Variants in ADARB2 observed in about 807,000 individuals in gnomAD.
The protein encoded by ADARB2 is adenosine deaminase RNA specific B2 (inactive).
ADARB2 carries 25 observed loss-of-function variants against 62.2 expected under a neutral mutation model. The observed-to-expected ratio is 0.40, with a 90% CI of 0.29 to 0.56. ADARB2 has a LOEUF of 0.56. Among genes scored for constraint, ADARB2 ranks in the 20% least tolerant of loss-of-function variants. The pLI, the probability that ADARB2 is intolerant of heterozygous loss-of-function variation, is 0.43. For missense variants in ADARB2, 1,071 were observed against 1,077.4 expected, an observed-to-expected ratio of 0.99 and a Z score of 0.08; for synonymous variants, 572 against 500.8, an observed-to-expected ratio of 1.14 and a Z score of -1.90.
chr10:1,665,880 G>A (rs1330015698), intron 1 of ADARB2, among the ~76,000 whole-genome samples: 1 of 152,208 alleles, frequency 6.6e-6, no homozygotes, highest in Non-Finnish European at 1.5e-5. Flanking sequence ...GAGGCCTCCA[G>A]GCCCACAGTA....
chr10:1,702,749 C>T (rs772351467), intron 1 of ADARB2, among the ~76,000 whole-genome samples: 25 of 152,312 alleles, frequency 1.6e-4, no homozygotes, highest in South Asian at 1.0e-3. Context: ...GCAGTGCTCT[C>T]GCTGATTTTC....
At chr10:1,217,243 C>T (rs772791365) in intron 6 of ADARB2, 124 bp from the exon 7 acceptor site, 17 of 988,102 alleles carry the variant, frequency 1.7e-5, no homozygotes, top group East Asian at 2.9e-5. Flanking sequence ...GCGTTTGGCA[C>T]GAGGAAGGGG....
intron 3 of ADARB2, among the ~76,000 whole-genome samples, chr10:1,280,944 G>A (rs760386248): frequency 6.6e-6 from 1 of 152,220 alleles, no homozygotes; most frequent in Non-Finnish European, 1.5e-5. Flanking sequence ...GAGCACGCAC[G>A]GCTTATTTAT....
At chr10:1,430,832 T>C (rs1026001439) in intron 1 of ADARB2, among the ~76,000 whole-genome samples, 2 of 152,204 alleles carry the variant, frequency 1.3e-5, no homozygotes, top group Non-Finnish European at 2.9e-5. Context: ...AATTATATAA[T>C]GATAAAAGGA....
chr10:1,601,507 C>T (rs1366655967), intron 1 of ADARB2, among the ~76,000 whole-genome samples: 10 of 152,172 alleles, frequency 6.6e-5, no homozygotes, highest in Non-Finnish European at 1.5e-4. Context: ...AAATAAACAC[C>T]GATCTTAGCT....
At chr10:1,580,049 G>C (rs910854144) in intron 1 of ADARB2, among the ~76,000 whole-genome samples, 1 of 152,228 alleles carries the variant, frequency 6.6e-6, no homozygotes, top group African/African-American at 2.4e-5. Flanking sequence ...AGACGAGCGA[G>C]TCACCAGTTG....
rs371399725 is a variant in ADARB2, at chr10:1,363,829, G to A, written c.276C>T (p.Gly92=). 10 of 1,565,894 alleles carry A rather than the reference G, an allele frequency of 6.4e-6. No individual in the cohort carries two copies. In the African/African-American group the frequency reaches 6.8e-5, roughly 11 times the overall value. The change falls in exon 3 of 10, where the codon GGC becomes GGT. Residue 92 remains glycine, a synonymous_variant. Transcript: ENST00000381312. ...PPPSGDRARG[G]APGAKRKRPL... is the part of the protein sequence containing the mutation. ...GCCGCTTCCTCTTCGCGCCGGGCGC[G>A]CCGCCCCGGGCCCGGTCCCCGGAGG... is the stretch of plus-strand genomic sequence containing the variant.
At chr10:1,453,123 A>T (rs905537133) in intron 1 of ADARB2, among the ~76,000 whole-genome samples, 3 of 152,106 alleles carry the variant, frequency 2.0e-5, no homozygotes, top group Non-Finnish European at 4.4e-5. Flanking sequence ...TCCCTCCCCC[A>T]CGTCTGCAAA....
At chr10:1,394,368 C>T (rs1218509711) in intron 1 of ADARB2, among the ~76,000 whole-genome samples, 1 of 152,238 alleles carries the variant, frequency 6.6e-6, no homozygotes, top group Admixed American at 6.5e-5. Context: ...CCTCTGCCTA[C>T]CTGTTGCCCT....
At chr10:1,579,763 T>C (rs1180735383) in intron 1 of ADARB2, among the ~76,000 whole-genome samples, 1 of 152,216 alleles carries the variant, frequency 6.6e-6, no homozygotes, top group Non-Finnish European at 1.5e-5. Flanking sequence ...CTGACACCTC[T>C]GAGGTTACCG....
At chr10:1,375,052 A>T (rs1365674399) in intron 2 of ADARB2, among the ~76,000 whole-genome samples, 1 of 152,150 alleles carries the variant, frequency 6.6e-6, no homozygotes, top group Non-Finnish European at 1.5e-5. Context: ...CCTCCTTCAA[A>T]GACTCGTCAC....
At chr10:1,364,899 A>C (rs1324009528) in intron 2 of ADARB2, among the ~76,000 whole-genome samples, 2 of 143,940 alleles carry the variant, frequency 1.4e-5, no homozygotes, top group Non-Finnish European at 3.0e-5. Context: ...TTGCGACGGA[A>C]TCTCACTCTG....
At chr10:1,430,186 G>T (rs911129742) in intron 1 of ADARB2, among the ~76,000 whole-genome samples, 1 of 152,212 alleles carries the variant, frequency 6.6e-6, no homozygotes, top group African/African-American at 2.4e-5. Context: ...AGACCATGGT[G>T]CAGTGTAGTT....
chr10:1,263,220 A>AT (rs1831160763), intron 4 of ADARB2, among the ~76,000 whole-genome samples: 1 of 152,112 alleles, frequency 6.6e-6, no homozygotes, highest in Non-Finnish European at 1.5e-5. Flanking sequence ...AACATGGCAC[A>AT]TGTATACATA....
At chr10:1,705,935 C>A (rs11250751) in intron 1 of ADARB2, among the ~76,000 whole-genome samples, 3 of 152,120 alleles carry the variant, frequency 2.0e-5, no homozygotes, top group Non-Finnish European at 4.4e-5. Flanking sequence ...AAACACTTCA[C>A]GGTGAATTAC....
intron 1 of ADARB2, among the ~76,000 whole-genome samples, chr10:1,484,663 T>C (rs753659622): frequency 2.0e-5 from 3 of 152,166 alleles, no homozygotes; most frequent in Non-Finnish European, 4.4e-5. Context: ...TCTGCATAGG[T>C]AGGTGTGCAT....
intron 1 of ADARB2, among the ~76,000 whole-genome samples, chr10:1,538,805 A>G (rs909082781): frequency 2.0e-5 from 3 of 152,234 alleles, no homozygotes; most frequent in African/African-American, 7.2e-5. Flanking sequence ...TCTGCTGCCC[A>G]TGCCGCCTGA....
rs540631292 is a variant in ADARB2 at position 1,250,413 on chromosome 10, G to A, written c.1193-8114C>T. Among the ~76,000 whole-genome samples the A allele has an allele frequency of 9.8e-4, 149 of 152,192 alleles. No homozygotes were observed. The Middle Eastern group carries it at 0.01, about 10-fold the overall frequency. On this transcript the variant is annotated intron_variant, in intron 4 of 9. Coordinates refer to ENST00000381312, the MANE Select transcript of ADARB2 (RefSeq NM_018702.4). ...GGTGAGTTCTTGCTCTGGCAAGATG[G>A]ATTAGTCTTCAAGGAAATGGGTTCG...
chr10:1,420,524 T>C (rs762937188), intron 1 of ADARB2, among the ~76,000 whole-genome samples: 4 of 143,658 alleles, frequency 2.8e-5, no homozygotes, highest in Non-Finnish European at 3.0e-5. Flanking sequence ...ATCTACCAAA[T>C]AGAAGCTGGA....
Sources: gnomAD v4.1 joint callset for allele counts (sites outside exome capture counted in the v4.1 genomes callset) on GRCh38, gnomAD v4.1.1 for gene constraint, MANE v1.5 for transcripts, NCBI Gene and HGNC (gene_info 2026-07-23, HGNC 2026-07-21) for gene names.